Variants in AAK1 observed in about 807,000 individuals in gnomAD.
AAK1 encodes AP2 associated kinase 1, also known as AP2-associated protein kinase 1.
Under a neutral mutation model 116.0 loss-of-function variants are expected in AAK1, and 37 were observed. The ratio of observed to expected loss-of-function variants is 0.32; its 90% CI spans 0.25 to 0.42. The LOEUF (loss-of-function observed/expected upper bound fraction) is 0.42, where lower values mean the gene tolerates loss of function less well. Among genes scored for constraint, AAK1 ranks in the 10% least tolerant of loss-of-function variants. The pLI is 1.00. For missense variants in AAK1, 919 were observed against 1,170.6 expected (o/e 0.79, Z 3.14); for synonymous variants, 458 against 439.9 (o/e 1.04, Z -0.51).
Position 69,482,692 on chromosome 2 carries a change from A to G in AAK1, c.2467+19T>C. On this transcript the variant is annotated intron_variant, in intron 18 of 21. Coordinates refer to ENST00000409085, the MANE Select transcript of AAK1 (RefSeq NM_014911.5). ...ACACATATCATGCATGACTGAAGAA[A>G]CAGAGATGATGACTTTACCAATTAC... 6.4e-7 allele frequency: 1 copy of G among 1,567,442 alleles called. No homozygotes were observed. Among genetic ancestry groups the G allele is most frequent in the Non-Finnish European group, 8.8e-7 (1 of 1,137,814 alleles).
intron 10 of AAK1, 64 bp from the exon 11 acceptor site, chr2:69,521,052 G>A: frequency 6.4e-7 from 1 of 1,560,934 alleles, no homozygotes; most frequent in South Asian, 1.1e-5. Context: ...AGTGGGCAGA[G>A]GACACAATGC....
rs769386402 is a variant in AAK1, at chr2:69,497,584, GCCACCGTGC to G, written c.2270-1513_2270-1505del. ...CAAAGTGCTGGGATTACAGGCGTGAGCCACCGTGCCCAGCCATACATAATCATTCTTTAC... is the reference window on the plus strand; with the variant it reads ...CAAAGTGCTGGGATTACAGGCGTGAGCCAGCCATACATAATCATTCTTTAC... On this transcript the variant is annotated intron_variant, in intron 16 of 21. Transcript: ENST00000409085. Among the ~76,000 whole-genome samples the G allele has an allele frequency of 3.3e-5, 5 of 151,876 alleles. No individual in the cohort carries two copies. The East Asian group carries it at 5.8e-4, about 18-fold the overall frequency.
chr2:69,500,067 T>A (rs1465001595), intron 16 of AAK1: 1 of 152,228 alleles, frequency 6.6e-6, no homozygotes, highest in East Asian at 1.9e-4. Flanking sequence ...TACAAATGTT[T>A]AATATAGCCC....
intron 2 of AAK1, among the ~76,000 whole-genome samples, chr2:69,607,462 T>G (rs1673859975): frequency 6.6e-6 from 1 of 152,178 alleles, no homozygotes; most frequent in Non-Finnish European, 1.5e-5. Context: ...TCTACTTTTC[T>G]TTCCCATGAG....
intron 2 of AAK1, among the ~76,000 whole-genome samples, chr2:69,567,535 G>A (rs1007373913): frequency 9.9e-5 from 15 of 152,102 alleles, no homozygotes; most frequent in African/African-American, 3.4e-4. Context: ...CAATGTGTTT[G>A]CTGAGTACCA....
intron 2 of AAK1, among the ~76,000 whole-genome samples, chr2:69,582,388 TGTGTGTGTGC>T (rs1004202744): frequency 1.1e-4 from 16 of 150,644 alleles, no homozygotes; most frequent in African/African-American, 2.7e-4. Context: ...TGTGTGCACG[TGTGTGTGTGC>T]GTGTGTGTGC....
At chr2:69,523,392 T>G (rs769675689) in intron 10 of AAK1, among the ~76,000 whole-genome samples, 1 of 152,178 alleles carries the variant, frequency 6.6e-6, no homozygotes, top group Non-Finnish European at 1.5e-5. Flanking sequence ...AAAATCAAAG[T>G]CTCACTACTT....
At chr2:69,587,397 A>G (rs1672828333) in intron 2 of AAK1, among the ~76,000 whole-genome samples, 1 of 151,662 alleles carries the variant, frequency 6.6e-6, no homozygotes, top group Admixed American at 6.6e-5. Context: ...ACACGTGTGT[A>G]CATATATACA....
At chr2:69,496,829 A>T (rs905013645) in intron 16 of AAK1, among the ~76,000 whole-genome samples, 4 of 152,104 alleles carry the variant, frequency 2.6e-5, no homozygotes, top group African/African-American at 9.7e-5. Context: ...CTACTGTATC[A>T]CCATGATGTC....
chr2:69,588,820 A>G (rs78009714), intron 2 of AAK1, among the ~76,000 whole-genome samples: 2,018 of 152,146 alleles, frequency 0.013, 45 homozygotes, highest in African/African-American at 0.046. Flanking sequence ...AAGGTTTACT[A>G]TTGTTAGGAC....
At chr2:69,500,667 ATATATAT>A (rs1249121606) in intron 16 of AAK1, among the ~76,000 whole-genome samples, 12 of 73,078 alleles carry the variant, frequency 1.6e-4, no homozygotes, top group African/African-American at 8.6e-4. Context: ...CCCTTAAAAT[ATATATAT>A]ATATATATAT....
intron 12 of AAK1, among the ~76,000 whole-genome samples, chr2:69,517,370 T>C (rs1443502105): frequency 1.3e-5 from 2 of 152,150 alleles, no homozygotes; most frequent in Non-Finnish European, 2.9e-5. Context: ...TTAAGGAACT[T>C]GGCAAATGAT....
At chr2:69,518,536 A>G (rs1191377760) in intron 12 of AAK1, among the ~76,000 whole-genome samples, 1 of 150,298 alleles carries the variant, frequency 6.7e-6, no homozygotes, top group Non-Finnish European at 1.5e-5. Flanking sequence ...CTTCTGCCTC[A>G]GCTTCCCAAG....
chr2:69,530,478 T>C, intron 7 of AAK1, 147 bp downstream of exon 7: 1 of 619,600 alleles, frequency 1.6e-6, no homozygotes, highest in East Asian at 3.0e-5. Context: ...GTGGCTGGTA[T>C]TCTCACATCA....
At chr2:69,589,708 CAAAAAAAAAAA>C (rs762986666) in intron 2 of AAK1, among the ~76,000 whole-genome samples, 6 of 58,692 alleles carry the variant, frequency 1.0e-4, no homozygotes, top group Middle Eastern at 9.6e-3. Context: ...AACTCTGTCT[CAAAAAAAAAAA>C]AAAAAAAAAA....
chr2:69,601,836 G>A (rs1673593898), intron 2 of AAK1, among the ~76,000 whole-genome samples: 1 of 152,184 alleles, frequency 6.6e-6, no homozygotes, highest in Non-Finnish European at 1.5e-5. Flanking sequence ...TGATAAGGAA[G>A]AGGATTTATA....
intron 2 of AAK1, chr2:69,597,968 G>GA: frequency 5.9e-5 from 18 of 303,864 alleles, no homozygotes; most frequent in Middle Eastern, 9.2e-4. Context: ...TACTTGAGAT[G>GA]AAAAAAAAGT....
At chr2:69,606,455 G>A (rs1231561090) in intron 2 of AAK1, among the ~76,000 whole-genome samples, 1 of 152,186 alleles carries the variant, frequency 6.6e-6, no homozygotes, top group African/African-American at 2.4e-5. Flanking sequence ...GTACCTCAAT[G>A]TCTGATTCAC....
chr2:69,466,114 T>G lies in AAK1; in HGVS notation c.*9755A>C. On this transcript the variant is annotated 3_prime_UTR_variant, in exon 22 of 22. Coordinates refer to ENST00000409085, the MANE Select transcript of AAK1 (RefSeq NM_014911.5). ...ACCCTTGAGCTCCTGAAGGGAGCTA[T>G]GGCAAAAACATCTGGCTCACTGAGC... The G allele has an allele frequency of 7.7e-7, 1 of 1,290,822 alleles. No individual in the cohort carries two copies. Among genetic ancestry groups the G allele is most frequent in the Admixed American group, 2.3e-5 (1 of 43,568 alleles). 80.0% of individuals were successfully genotyped at this position (1,290,822 alleles called of 1,614,324 possible). A position where few individuals can be genotyped will look rare whatever the true frequency, so the allele number is the denominator to read the frequency against.
Sources: allele counts gnomAD v4.1 joint callset (sites outside exome capture counted in the v4.1 genomes callset), GRCh38; gene constraint gnomAD v4.1.1; transcripts MANE v1.5; gene names NCBI Gene and HGNC (gene_info 2026-07-23, HGNC 2026-07-21).